The following TOPBP1 variants were observed in gnomAD, a reference collection of about 807,000 sequenced individuals.
The protein encoded by TOPBP1 is DNA topoisomerase 2-binding protein 1.
Under a neutral mutation model 167.7 loss-of-function variants are expected in TOPBP1, and 28 were observed. That is an observed-to-expected ratio of 0.17 (90% CI 0.12 to 0.23). The LOEUF (loss-of-function observed/expected upper bound fraction) is 0.23, where lower values mean the gene tolerates loss of function less well. TOPBP1 is among the 10% of genes least tolerant of loss of function. The probability of loss-of-function intolerance (pLI) is 1.00; values close to 1 mark genes in which losing one functional copy is unlikely to be tolerated. For missense variants in TOPBP1, 1,554 were observed against 1,809.6 expected, an observed-to-expected ratio of 0.86 and a Z score of 2.56; for synonymous variants, 598 against 611.4, an observed-to-expected ratio of 0.98 and a Z score of 0.32.
Position 133,643,233 on chromosome 3 carries a change from G to T in TOPBP1, c.1988C>A (p.Ser663Tyr). The change falls in exon 12 of 28, where the codon TCT becomes TAT. Residue 663 changes from serine to tyrosine, a missense_variant. Coordinates refer to ENST00000260810, the MANE Select transcript of TOPBP1 (RefSeq NM_007027.4). ...FSQCAGAEKE[S>Y]LTFLANLLGA... is the part of the protein sequence containing the mutation. ...AAGGAGGTTTGCTAGGAATGTTAAA[G>T]ACTCTTTTTCTGCTCCAGCACACTG... The T allele has an allele frequency of 1.2e-6, 2 of 1,604,932 alleles. No individual in the cohort carries two copies. The highest frequency in any genetic ancestry group is 1.7e-6 in the Non-Finnish European group (2 of 1,176,960).
chr3:133,643,307 T>C lies in TOPBP1; in HGVS notation c.1914A>G (p.Pro638=). ...CTAAAGGAGTCATTCCTGTCATTAC[T>C]GGAACTGGTGTGAAGAGAGGATTCG... ...PKSNPLFTPV[P]VMTGMTPLED... is the part of the protein sequence containing the mutation. The change falls in exon 12 of 28, where the codon CCA becomes CCG. Residue 638 remains proline (P), a synonymous_variant. Coordinates refer to ENST00000260810, the MANE Select transcript of TOPBP1 (RefSeq NM_007027.4). The C allele has an allele frequency of 6.2e-7, 1 of 1,613,058 alleles. No homozygotes were observed. Among genetic ancestry groups the C allele is most frequent in the African/African-American group, 1.3e-5 (1 of 74,982 alleles).
chr3:133,644,744 C>T (rs1252045350), intron 10 of TOPBP1, among the ~76,000 whole-genome samples: 1 of 152,190 alleles, frequency 6.6e-6, no homozygotes, highest in African/African-American at 2.4e-5. Flanking sequence ...GTATAACTGT[C>T]AAGTCCTTAA....
At chr3:133,612,315 C>T (rs769343250) in intron 24 of TOPBP1, 74 bp downstream of exon 24, 25 of 1,560,316 alleles carry the variant, frequency 1.6e-5, no homozygotes, top group Non-Finnish European at 2.1e-5. Context: ...GCTAGGATAA[C>T]AGGTGTGAGC....
rs778594592 is a variant in TOPBP1, at chr3:133,644,053, G to T, written c.1815C>A (p.Ala605=). Residue 605 remains alanine, a synonymous_variant, in exon 11 of 28, where the codon GCC becomes GCA. Coordinates refer to ENST00000260810, the MANE Select transcript of TOPBP1 (RefSeq NM_007027.4). ...VVPLLGCEVE[A]TVGEVVTNTW... ...TATTTGTAACAACTTCTCCCACAGTGGCTTCCACTTCACACCCCAGCAGAG... is the reference window on the plus strand; with the variant it reads ...TATTTGTAACAACTTCTCCCACAGTTGCTTCCACTTCACACCCCAGCAGAG... 9.9e-6 allele frequency: 16 copies of T among 1,608,698 alleles called. No individual in the cohort carries two copies. Among genetic ancestry groups the T allele is most frequent in the East Asian group, 2.2e-5 (1 of 44,824 alleles).
At chr3:133,651,477 A>G (rs1173910511) in intron 8 of TOPBP1, among the ~76,000 whole-genome samples, 1 of 152,150 alleles carries the variant, frequency 6.6e-6, no homozygotes, top group Non-Finnish European at 1.5e-5. Context: ...GGCATGAGCC[A>G]CCAAGCCCAG....
chr3:133,634,338 A>G (rs1198112477), intron 14 of TOPBP1, among the ~76,000 whole-genome samples: 2 of 152,042 alleles, frequency 1.3e-5, no homozygotes, highest in Non-Finnish European at 2.9e-5. Context: ...GCAAAACCCC[A>G]TCTCTACTAA....
At chr3:133,642,265 C>T (rs931014103) in intron 12 of TOPBP1, among the ~76,000 whole-genome samples, 3 of 152,140 alleles carry the variant, frequency 2.0e-5, no homozygotes, top group Admixed American at 6.5e-5. Context: ...GCTGGGATTA[C>T]AGGTGTGAGC....
intron 3 of TOPBP1, among the ~76,000 whole-genome samples, chr3:133,658,438 G>C (rs1008217644): frequency 2.6e-4 from 40 of 151,886 alleles, no homozygotes; most frequent in African/African-American, 9.7e-4. Flanking sequence ...CTGCACTCCA[G>C]CCTGGGCGAC....
Position 133,653,411 on chromosome 3 carries a change from G to T in TOPBP1, c.856C>A (p.Pro286Thr). 6.2e-7 allele frequency: 1 copy of T among 1,612,916 alleles called. No individual in the cohort carries two copies. Among genetic ancestry groups the T allele is most frequent in the Non-Finnish European group, 8.5e-7 (1 of 1,179,586 alleles). The change falls in exon 7 of 28, where the codon CCT becomes ACT. Residue 286 changes from proline (P) to threonine (T), a missense_variant. Around this residue, in one of 3 missense-constraint regions of TOPBP1, gnomAD observed 1,197 missense variants for 1,351.5 expected, o/e 0.89. Coordinates refer to ENST00000260810, the MANE Select transcript of TOPBP1 (RefSeq NM_007027.4). ...GGCATAGTCTTTGCTTCTGGTCTAG[G>T]TTCTGTCTTGTATATGGATTCATCC... ...CQDESIYKTE[P>T]RPEAKTMPNS... is the part of the protein sequence containing the mutation.
At chr3:133,616,059 A>C (rs1934861749) in intron 23 of TOPBP1, among the ~76,000 whole-genome samples, 1 of 151,856 alleles carries the variant, frequency 6.6e-6, no homozygotes, top group African/African-American at 2.4e-5. Context: ...CCTGACAACC[A>C]GTGGAATAAG....
chr3:133,616,982 GT>G, intron 22 of TOPBP1, 57 bp from the exon 23 acceptor site: 1 of 1,284,042 alleles, frequency 7.8e-7, no homozygotes, highest in African/African-American at 1.5e-5. Flanking sequence ...CAGATACACA[GT>G]TCTTTTATAG....
rs570233718 is a variant in TOPBP1, at chr3:133,652,329, T to C, written c.1089+134A>G. ...CAAAGGATGGACATGGTCTAGTAAG[T>C]GCATCTACTTAGCTAGAGTGGAGGG... On this transcript the variant is annotated intron_variant, in intron 8 of 27. Coordinates refer to ENST00000260810, the MANE Select transcript of TOPBP1 (RefSeq NM_007027.4). 7 of 827,464 alleles carry C rather than the reference T, an allele frequency of 8.5e-6. No individual in the cohort carries two copies. In the Admixed American group the frequency reaches 2.1e-4, roughly 25 times the overall value. The allele number at this position is 827,464 out of a possible 1,614,324, so 51.3% of individuals were successfully genotyped here.
chr3:133,610,635 T>TC (rs1934642865), intron 25 of TOPBP1, among the ~76,000 whole-genome samples: 1 of 135,670 alleles, frequency 7.4e-6, no homozygotes, highest in Non-Finnish European at 1.7e-5. Flanking sequence ...TGATTAAAAT[T>TC]TAAAAAAAAA....
At chr3:133,651,171 C>CTT (rs1176625452) in intron 8 of TOPBP1, among the ~76,000 whole-genome samples, 39 of 82,084 alleles carry the variant, frequency 4.8e-4, no homozygotes, top group Admixed American at 2.3e-3. Flanking sequence ...CCGAATTTCC[C>CTT]TTTTTTTTTT....
In TOPBP1 at chr3:133,629,329, A is replaced by G. The variant is rs75001273; in HGVS notation, c.2521-596T>C. Among the ~76,000 whole-genome samples the G allele has an allele frequency of 9.3e-3, 1,423 of 152,334 alleles. 24 individuals are homozygous for G. The highest frequency in any genetic ancestry group is 0.032 in the African/African-American group (1,316 of 41,562). ...GTATTTAACCTGTGTACAACTGATA[A>G]GCTTTCGGTTAACAGTCTTTTGCAA... is the stretch of plus-strand genomic sequence containing the variant. On this transcript the variant is annotated intron_variant, in intron 14 of 27. Transcript: ENST00000260810.
At chr3:133,628,770 AAGAG>A (rs747863535) in intron 14 of TOPBP1, 37 bp from the exon 15 acceptor site, 9 of 1,495,250 alleles carry the variant, frequency 6.0e-6, no homozygotes, top group South Asian at 4.9e-5. Context: ...TGGAGAAAAG[AAGAG>A]AGAGAGAGAG....
rs1269278422 is a variant in TOPBP1, at chr3:133,620,283, T to C, written c.3243A>G (p.Ala1081=). 5.0e-6 allele frequency: 8 copies of C among 1,614,024 alleles called. No individual in the cohort carries two copies. In the East Asian group the frequency reaches 1.8e-4, roughly 36 times the overall value. The part of the protein sequence containing the change: ...FQKQLQEIMS[A]TSIVKPQGQR... ...GCCCTTGGGGTTTCACTATTGATGT[T>C]GCAGACATTATCTCCTGTAACTGCT... The change falls in exon 20 of 28, where the codon GCA becomes GCG. Residue 1081 remains alanine (A), a synonymous_variant. Transcript: ENST00000260810.
chr3:133,624,056 A>G lies in TOPBP1; in HGVS notation c.2924T>C (p.Leu975Ser). 2 of 1,612,580 alleles carry G rather than the reference A, an allele frequency of 1.2e-6. No homozygotes were observed. The highest frequency in any genetic ancestry group is 3.3e-5 in the Admixed American group (2 of 59,794). Reference sequence around the variant, plus strand: ...GGGGAAAAAAGCACTGCTTACATCTAAAAGCCAGTGCTCGGAAACAATGTG... The same window carrying G: ...GGGGAAAAAAGCACTGCTTACATCTGAAAGCCAGTGCTCGGAAACAATGTG... ...GVHIVSEHWL[L>S]DCAQECKHLP... The change falls in exon 17 of 28, where the codon TTA becomes TCA. Residue 975 changes from leucine to serine, a missense_variant. Leu to Ser is a moderately radical substitution (Grantham distance 145). This residue lies in a region of TOPBP1 where 1,197 missense variants were observed against 1,351.5 expected (regional missense o/e 0.89). Coordinates refer to ENST00000260810, the MANE Select transcript of TOPBP1 (RefSeq NM_007027.4).
rs1378706916 is a variant in TOPBP1 at position 133,653,434 on chromosome 3, T to C, written c.833A>G (p.Asp278Gly). ...FDSIEKGFCQ[D>G]ESIYKTEPRP... The stretch of plus-strand genomic sequence containing the variant: ...AGGTTCTGTCTTGTATATGGATTCA[T>C]CCTGACAAAAACCTTTCTCAATACT... Residue 278 changes from aspartate (D) to glycine (G), a missense_variant, in exon 7 of 28, where the codon GAT becomes GGT. Asp to Gly is a moderately conservative substitution (Grantham distance 94, BLOSUM62 -1). Around this residue, in one of 3 missense-constraint regions of TOPBP1, gnomAD observed 1,197 missense variants for 1,351.5 expected, o/e 0.89. Coordinates refer to ENST00000260810, the MANE Select transcript of TOPBP1 (RefSeq NM_007027.4). 6 of 1,613,236 alleles carry C rather than the reference T, an allele frequency of 3.7e-6. No homozygotes were observed. Among genetic ancestry groups the C allele is most frequent in the Non-Finnish European group, 4.2e-6 (5 of 1,179,660 alleles).
Sources: gnomAD v4.1 joint callset for allele counts (sites outside exome capture counted in the v4.1 genomes callset) on GRCh38, gnomAD v4.1.1 for gene constraint, gnomAD v4.1.1 regional missense constraint, MANE v1.5 for transcripts, NCBI Gene and HGNC (gene_info 2026-07-23, HGNC 2026-07-21) for gene names.